Variants in RBPJ observed in about 807,000 individuals in gnomAD.
The protein encoded by RBPJ is recombination signal binding protein for immunoglobulin kappa J region, also known as recombining binding protein suppressor of hairless.
A neutral mutation model predicts 67.8 loss-of-function variants in RBPJ; 9 were observed. That is an observed-to-expected ratio of 0.13 (90% CI 0.08 to 0.23). The LOEUF is 0.23. RBPJ is among the 10% of genes least tolerant of loss of function. The pLI is 1.00. For synonymous variants in RBPJ, 198 were observed against 203.3 expected (o/e 0.97, Z 0.22); for missense variants, 305 against 595.6 (o/e 0.51, Z 5.08).
At chr4:26,191,237 A>G (rs1404451057) in intron 1 of RBPJ, among the ~76,000 whole-genome samples, 12 of 111,834 alleles carry the variant, frequency 1.1e-4, no homozygotes, top group African/African-American at 3.8e-4. Context: ...AGAGAGAGAG[A>G]GAGATAGAGA....
intron 1 of RBPJ, among the ~76,000 whole-genome samples, chr4:26,369,334 C>CTAA (rs1728932740): frequency 6.6e-6 from 1 of 152,192 alleles, no homozygotes; most frequent in African/African-American, 2.4e-5. Context: ...GTGTGTTATG[C>CTAA]TAACAATGAA....
Position 26,430,980 on chromosome 4 carries a change from A to G in RBPJ, c.1437A>G (p.Thr479=), listed in dbSNP as rs143956090. The change falls in exon 11 of 11, where the codon ACA becomes ACG. Residue 479 remains threonine, a synonymous_variant. Coordinates refer to ENST00000355476, the MANE Select transcript of RBPJ (RefSeq NM_015874.6). This position sits in a 1 kb window ranked among gnomAD's most constrained non-coding sequence, Gnocchi z 4.1. ...CCAGCACAAATTCAACCAGTGTCAC[A>G]TCATCTACAGCCACAGTGGTATCCT... ...TNASTNSTSV[T]SSTATVVS 268 of 1,614,002 alleles carry G rather than the reference A, an allele frequency of 1.7e-4. No homozygotes were observed. In the Middle Eastern group the frequency reaches 2.0e-3, roughly 12 times the overall value.
chr4:26,276,043 G>C (rs1397565339), intron 1 of RBPJ, among the ~76,000 whole-genome samples: 1 of 151,476 alleles, frequency 6.6e-6, no homozygotes, highest in Non-Finnish European at 1.5e-5. Context: ...GGGAGGCCTA[G>C]GTGGGTGGAT....
intron 1 of RBPJ, among the ~76,000 whole-genome samples, chr4:26,193,783 C>T (rs1362974410): frequency 6.6e-6 from 1 of 152,128 alleles, no homozygotes; most frequent in African/African-American, 2.4e-5. Context: ...CAGCTCCTTC[C>T]ATAGCCCCCT....
At chr4:26,271,182 A>G (rs1226251689) in intron 1 of RBPJ, among the ~76,000 whole-genome samples, 1 of 152,166 alleles carries the variant, frequency 6.6e-6, no homozygotes, top group African/African-American at 2.4e-5. Flanking sequence ...CTGGAACTAC[A>G]GATGCATGCC....
At chr4:26,377,424 C>T (rs987435805) in intron 1 of RBPJ, among the ~76,000 whole-genome samples, 1 of 152,214 alleles carries the variant, frequency 6.6e-6, no homozygotes, top group Admixed American at 6.5e-5. Flanking sequence ...CTTTCCCTCT[C>T]CCAAAGATTT....
intron 1 of RBPJ, among the ~76,000 whole-genome samples, chr4:26,269,270 T>A (rs956738381): frequency 1.6e-4 from 23 of 148,292 alleles, no homozygotes; most frequent in South Asian, 2.1e-4. Context: ...TTATTTATTT[T>A]TTTGACACAG....
intron 1 of RBPJ, among the ~76,000 whole-genome samples, chr4:26,200,340 AG>A (rs1335479058): frequency 6.6e-6 from 1 of 152,230 alleles, no homozygotes; most frequent in Non-Finnish European, 1.5e-5. Flanking sequence ...AACTTCACCA[AG>A]GTCCACAACT....
chr4:26,346,963 G>C (rs1176771307), intron 1 of RBPJ, among the ~76,000 whole-genome samples: 1 of 151,936 alleles, frequency 6.6e-6, no homozygotes, highest in East Asian at 1.9e-4. Flanking sequence ...CTGCACTCCA[G>C]TCTGGGTGAC....
rs562723089 is a variant in RBPJ, at chr4:26,253,992, C to T, written c.-167+90378C>T. ...AAAGGTTTTGGAGTTTTGTTTTACT[C>T]ATACATTTTTTCCTTCACATTATTA... On this transcript the variant is annotated intron_variant, in intron 1 of 4. Coordinates refer to the RBPJ transcript ENST00000512351. 2.0e-3 allele frequency among the ~76,000 whole-genome samples: 304 copies of T among 148,914 alleles called. 48 individuals carry two copies. The highest frequency in any genetic ancestry group is 7.6e-3 in the African/African-American group (290 of 38,332).
At chr4:26,317,890 C>T (rs138444216), upstream of RBPJ, among the ~76,000 whole-genome samples, 2 of 152,158 alleles carry the variant, frequency 1.3e-5, no homozygotes, top group African/African-American at 4.8e-5. Flanking sequence ...CATGGCTTCC[C>T]AAGGTCGCTG....
intron 1 of RBPJ, among the ~76,000 whole-genome samples, chr4:26,364,460 T>G (rs77175852): frequency 0.015 from 2,239 of 152,302 alleles, 57 homozygotes; most frequent in African/African-American, 0.051. Context: ...TTTACAAAAT[T>G]GTTTCTTTAT....
chr4:26,352,647 G>C (rs1014638487), intron 1 of RBPJ, among the ~76,000 whole-genome samples: 2 of 152,222 alleles, frequency 1.3e-5, no homozygotes, highest in Non-Finnish European at 2.9e-5. Context: ...AGGTTGCAGT[G>C]AGCCCAGATC....
intron 1 of RBPJ, among the ~76,000 whole-genome samples, chr4:26,170,763 A>G (rs1425585233): frequency 6.6e-6 from 1 of 152,242 alleles, no homozygotes; most frequent in Admixed American, 6.5e-5. Flanking sequence ...TAGGTAATGC[A>G]TATTTAAGCA....
At chr4:26,209,101 A>ATC (rs1718273549) in intron 1 of RBPJ, among the ~76,000 whole-genome samples, 1 of 149,538 alleles carries the variant, frequency 6.7e-6, no homozygotes, top group African/African-American at 2.5e-5. Flanking sequence ...GAAAAAAAAT[A>ATC]TATATATATA....
At chr4:26,280,201 C>T (rs1458086108) in intron 1 of RBPJ, among the ~76,000 whole-genome samples, 3 of 151,640 alleles carry the variant, frequency 2.0e-5, no homozygotes, top group Non-Finnish European at 4.4e-5. Flanking sequence ...TGCAGACCAG[C>T]CTGGCTAACA....
chr4:26,295,620 C>A (rs1360885898), intron 1 of RBPJ, among the ~76,000 whole-genome samples: 1 of 152,104 alleles, frequency 6.6e-6, no homozygotes, highest in African/African-American at 2.4e-5. Flanking sequence ...CCCAACTGTA[C>A]CCAATTCTCA....
chr4:26,377,432 T>C (rs911914052), intron 1 of RBPJ, among the ~76,000 whole-genome samples: 1 of 152,180 alleles, frequency 6.6e-6, no homozygotes, highest in South Asian at 2.1e-4. Flanking sequence ...CTCCCAAAGA[T>C]TTATCTTACT....
chr4:26,131,343 A>AT, the RBPJ span, among the ~76,000 whole-genome samples: 1 of 152,188 alleles, frequency 6.6e-6, no homozygotes, highest in South Asian at 2.1e-4. Flanking sequence ...GTTACAAGCA[A>AT]TTTTTTAAAA....
Sources: gnomAD v4.1 joint callset for allele counts (sites outside exome capture counted in the v4.1 genomes callset) on GRCh38, gnomAD v4.1.1 for gene constraint, Gnocchi (gnomAD v3.1) non-coding constraint, MANE v1.5 for transcripts, NCBI Gene and HGNC (gene_info 2026-07-23, HGNC 2026-07-21) for gene names.